Variants in ANAPC16 observed in about 807,000 individuals in gnomAD.
The protein encoded by ANAPC16 is anaphase promoting complex subunit 16, also known as anaphase-promoting complex subunit 16.
ANAPC16 carries 6 observed loss-of-function variants against 13.1 expected under a neutral mutation model. The ratio of observed to expected loss-of-function variants is 0.46; its 90% CI spans 0.25 to 0.90. ANAPC16 has a LOEUF of 0.90. Ranked by LOEUF, ANAPC16 falls within the 40% of genes least tolerant of loss-of-function variation. The pLI is 0.18. For synonymous variants in ANAPC16, 55 were observed against 51.3 expected (o/e 1.07, Z -0.31); for missense variants, 113 against 131.1 (o/e 0.86, Z 0.67).
Position 72,223,932 on chromosome 10 carries a change from ATCC to A in ANAPC16, c.24_26del (p.Ser9del). On this transcript the variant is annotated inframe_deletion, in exon 2 of 4. Coordinates refer to ENST00000299381, the MANE Select transcript of ANAPC16 (RefSeq NM_173473.4). ...GAGAGGAAATGGCTGCTTCATCATC[ATCC>A]TCCTCAGCTGGTGGGGTCAGTGGAA... 1 of 1,603,768 alleles carries A rather than the reference ATCC, an allele frequency of 6.2e-7. No individual in the cohort carries two copies. The highest frequency in any genetic ancestry group is 2.2e-5 in the East Asian group (1 of 44,562).
intron 2 of ANAPC16, among the ~76,000 whole-genome samples, chr10:72,226,547 G>A (rs889055656): frequency 6.6e-6 from 1 of 151,824 alleles, no homozygotes; most frequent in Non-Finnish European, 1.5e-5. Context: ...GTGGCACGTG[G>A]CTGTAGTCCC....
rs1221690717 is a variant in ANAPC16 at position 72,235,635 on chromosome 10, C to G, written c.*2519C>G. ...ATCACCAAGGGAAAAATTAAAAATACCTAGACTGCAATAAACCTTTAAATT... is the reference window on the plus strand; with the variant it reads ...ATCACCAAGGGAAAAATTAAAAATAGCTAGACTGCAATAAACCTTTAAATT... On this transcript the variant is annotated 3_prime_UTR_variant, in exon 4 of 4. Transcript: ENST00000299381. 1 of 152,090 alleles carries G rather than the reference C, an allele frequency of 6.6e-6. No individual in the cohort carries two copies. Among genetic ancestry groups the G allele is most frequent in the African/African-American group, 2.4e-5 (1 of 41,436 alleles). The allele number at this position is 152,090 out of a possible 1,614,324, so 9.4% of individuals were successfully genotyped here. A position where few individuals can be genotyped will look rare whatever the true frequency, so the allele number is the denominator to read the frequency against.
At chr10:72,219,050 A>G (rs1020116861) in intron 1 of ANAPC16, among the ~76,000 whole-genome samples, 3 of 152,236 alleles carry the variant, frequency 2.0e-5, no homozygotes, top group African/African-American at 7.2e-5. Context: ...AATATAAAGT[A>G]TAAAGCATTT....
intron 1 of ANAPC16, among the ~76,000 whole-genome samples, chr10:72,218,167 TATATATATATA>T (rs1859718655): frequency 5.5e-5 from 1 of 18,094 alleles, no homozygotes; most frequent in Non-Finnish European, 9.4e-5. Flanking sequence ...AAAAAAAAAA[TATATATATATA>T]TATATATATA....
rs947074520 is a variant in ANAPC16, at chr10:72,234,733, C to T, written c.*1617C>T. 14 of 152,130 alleles carry T rather than the reference C, an allele frequency of 9.2e-5. No homozygotes were observed. Among genetic ancestry groups the T allele is most frequent in the African/African-American group, 3.4e-4 (14 of 41,432 alleles). 9.4% of individuals were successfully genotyped at this position (152,130 alleles called of 1,614,324 possible). A position where few individuals can be genotyped will look rare whatever the true frequency, so the allele number is the denominator to read the frequency against. ...ACGGGAGGTGGTGACCTCATTCAGT[C>T]GGTTAAGAGCCTGAGCCCTGTGAAG... is the stretch of plus-strand genomic sequence containing the variant. On this transcript the variant is annotated 3_prime_UTR_variant, in exon 4 of 4. Transcript: ENST00000299381.
At position 72,232,990 on chromosome 10, in the gene ANAPC16, A is replaced by G. The variant is rs764815399; in HGVS notation, c.218-11A>G. The G allele has an allele frequency of 3.9e-5, 63 of 1,609,692 alleles. No individual in the cohort carries two copies. The highest frequency in any genetic ancestry group is 3.1e-4 in the African/African-American group (23 of 74,702). ...GTTGTTGCATAATATTCTTTCCTTG[A>G]CTCCTTACAGATCAGCAAGTTGCTC... On this transcript the variant is annotated splice_polypyrimidine_tract_variant and intron_variant, in intron 3 of 3. Transcript: ENST00000299381.
intron 1 of ANAPC16, chr10:72,216,809 GC>G: frequency 2.2e-6 from 1 of 456,154 alleles, no homozygotes; most frequent in Non-Finnish European, 4.4e-6. Context: ...TCCACTGTCA[GC>G]CCCAACTTAC....
chr10:72,232,511 T>C (rs1315302949), intron 3 of ANAPC16, among the ~76,000 whole-genome samples: 1 of 150,622 alleles, frequency 6.6e-6, no homozygotes, highest in Non-Finnish European at 1.5e-5. Flanking sequence ...GCCATTGCAC[T>C]GCAGCCTGGG....
Position 72,230,353 on chromosome 10 carries a change from C to T in ANAPC16, c.143-13C>T, listed in dbSNP as rs756208114. 8 of 1,612,590 alleles carry T rather than the reference C, an allele frequency of 5.0e-6. No individual in the cohort carries two copies. In the South Asian group the frequency reaches 7.7e-5, roughly 16 times the overall value. On this transcript the variant is annotated splice_polypyrimidine_tract_variant and intron_variant, in intron 2 of 3. Coordinates refer to ENST00000299381, the MANE Select transcript of ANAPC16 (RefSeq NM_173473.4). Reference sequence around the variant, plus strand: ...TTAGAGCAGATTAAAACCTTTTCTCCTTTTGTTTGTAGATGGCTCTGAGAG... The same window carrying T: ...TTAGAGCAGATTAAAACCTTTTCTCTTTTTGTTTGTAGATGGCTCTGAGAG...
intron 1 of ANAPC16, chr10:72,217,101 C>T: frequency 2.2e-6 from 1 of 453,570 alleles, no homozygotes; most frequent in South Asian, 1.6e-5. Context: ...GAAACACTGC[C>T]CCAGGTTCTG....
intron 2 of ANAPC16, among the ~76,000 whole-genome samples, chr10:72,227,996 C>T (rs759636659): frequency 4.0e-4 from 60 of 151,122 alleles, no homozygotes; most frequent in Non-Finnish European, 7.7e-4. Flanking sequence ...ATGCCACTGC[C>T]CCCCAGCCTG....
chr10:72,217,317 T>C (rs1859526270), intron 1 of ANAPC16, among the ~76,000 whole-genome samples: 1 of 151,540 alleles, frequency 6.6e-6, no homozygotes. Flanking sequence ...TCCTAAAAAA[T>C]ACAAAAAATT....
chr10:72,229,549 G>A (rs1180435734), intron 2 of ANAPC16, among the ~76,000 whole-genome samples: 1 of 151,988 alleles, frequency 6.6e-6, no homozygotes, highest in Non-Finnish European at 1.5e-5. Context: ...TAGGATTTTC[G>A]CAATAAGGTA....
intron 1 of ANAPC16, chr10:72,216,826 A>G (rs2070966878): frequency 2.2e-6 from 1 of 456,226 alleles, no homozygotes; most frequent in Non-Finnish European, 4.4e-6. Context: ...CTTACCTGAC[A>G]GGGCCAAGTC....
Position 72,233,101 on chromosome 10 carries a change from C to T in ANAPC16, c.318C>T (p.Thr106=), listed in dbSNP as rs1860377405. Residue 106 remains threonine, a synonymous_variant, in exon 4 of 4, where the codon ACC becomes ACT. Transcript: ENST00000299381. ...FKPIEQLLGF[T]PSSG ...CCATCGAGCAGCTGCTGGGATTCACCCCCTCTTCAGGTTGATACTGCCTGG... is the reference window on the plus strand; with the variant it reads ...CCATCGAGCAGCTGCTGGGATTCACTCCCTCTTCAGGTTGATACTGCCTGG... 2 of 1,613,956 alleles carry T rather than the reference C, an allele frequency of 1.2e-6. No homozygotes were observed. The highest frequency in any genetic ancestry group is 1.7e-6 in the Non-Finnish European group (2 of 1,179,966).
At chr10:72,218,179 T>C (rs1473394618) in intron 1 of ANAPC16, among the ~76,000 whole-genome samples, 1 of 18,512 alleles carries the variant, frequency 5.4e-5, no homozygotes, top group Non-Finnish European at 1.0e-4. Context: ...TATATATATA[T>C]ATATATATAT....
chr10:72,233,029 A>T lies in ANAPC16; in HGVS notation c.246A>T (p.Leu82=). 6.2e-7 allele frequency: 1 copy of T among 1,614,166 alleles called. No individual in the cohort carries two copies. The highest frequency in any genetic ancestry group is 8.5e-7 in the Non-Finnish European group (1 of 1,180,030). Residue 82 remains leucine, a synonymous_variant, in exon 4 of 4, where the codon CTA becomes CTT. Transcript: ENST00000299381. ...AGCAAGTTGCTCGGATGGAAAAACT[A>T]GCTGGTTTGGTAGAAGAGCTGGAGG... is the stretch of plus-strand genomic sequence containing the variant. ...HDQQVARMEK[L]AGLVEELEAD... is the part of the protein sequence containing the mutation.
chr10:72,218,166 ATAT>A (rs1486247705), intron 1 of ANAPC16, among the ~76,000 whole-genome samples: 3 of 20,348 alleles, frequency 1.5e-4, no homozygotes, highest in African/African-American at 6.5e-4. Flanking sequence ...AAAAAAAAAA[ATAT>A]ATATATATAT....
intron 3 of ANAPC16, among the ~76,000 whole-genome samples, chr10:72,231,476 ACT>A (rs138923119): frequency 0.043 from 6,564 of 152,196 alleles, 152 homozygotes; most frequent in South Asian, 0.069. Flanking sequence ...CAGGAGGCAT[ACT>A]CCAGCCTTGG....
Sources: gnomAD v4.1 joint callset for allele counts (sites outside exome capture counted in the v4.1 genomes callset) on GRCh38, gnomAD v4.1.1 for gene constraint, MANE v1.5 for transcripts, NCBI Gene and HGNC (gene_info 2026-07-23, HGNC 2026-07-21) for gene names.